The following CRTC1 variants were observed in gnomAD, a reference collection of about 807,000 sequenced individuals.
CRTC1 encodes CREB regulated transcription coactivator 1.
A neutral mutation model predicts 66.1 loss-of-function variants in CRTC1; 18 were observed. The ratio of observed to expected loss-of-function variants is 0.27; its 90% CI spans 0.19 to 0.40. The LOEUF (loss-of-function observed/expected upper bound fraction) is 0.40, where lower values mean the gene tolerates loss of function less well. CRTC1 is among the 10% of genes least tolerant of loss of function. CRTC1 has a pLI of 1.00. For synonymous variants in CRTC1, 416 were observed against 398.8 expected (o/e 1.04, Z -0.51); for missense variants, 669 against 887.9 (o/e 0.75, Z 3.13).
chr19:18,775,945 T>G (rs544576999), intron 13 of CRTC1, 124 bp downstream of exon 13: 1 of 1,074,152 alleles, frequency 9.3e-7, no homozygotes. Flanking sequence ...CCAAGCTTGA[T>G]GGGGGCCTGA....
intron 1 of CRTC1, among the ~76,000 whole-genome samples, chr19:18,719,049 C>T (rs1051853500): frequency 2.6e-5 from 4 of 152,118 alleles, no homozygotes; most frequent in Non-Finnish European, 5.9e-5. Flanking sequence ...CGAGATGACA[C>T]GGGCTAGTAC....
chr19:18,722,660 A>G (rs1175958413), intron 1 of CRTC1, among the ~76,000 whole-genome samples: 1 of 152,214 alleles, frequency 6.6e-6, no homozygotes, highest in Non-Finnish European at 1.5e-5. Flanking sequence ...ATTTTAGAGC[A>G]TGCCGTGGTG....
chr19:18,688,335 G>T (rs543025010), intron 1 of CRTC1, among the ~76,000 whole-genome samples: 1 of 152,116 alleles, frequency 6.6e-6, no homozygotes, highest in African/African-American at 2.4e-5. Context: ...TGGCGAGTTT[G>T]AGAATGGGTG....
intron 1 of CRTC1, among the ~76,000 whole-genome samples, chr19:18,707,249 C>T (rs1322467958): frequency 2.0e-5 from 3 of 152,128 alleles, no homozygotes; most frequent in Non-Finnish European, 1.5e-5. Context: ...AGCTTTAGAT[C>T]TTTGATCCGT....
chr19:18,752,446 A>G (rs1053895193), intron 5 of CRTC1, among the ~76,000 whole-genome samples: 1 of 152,104 alleles, frequency 6.6e-6, no homozygotes, highest in African/African-American at 2.4e-5. Flanking sequence ...AGCCTCTCGC[A>G]TAGCTGGGAC....
At chr19:18,731,808 C>T (rs1198111426) in intron 1 of CRTC1, among the ~76,000 whole-genome samples, 1 of 152,180 alleles carries the variant, frequency 6.6e-6, no homozygotes, top group Non-Finnish European at 1.5e-5. Context: ...GCCTGGCTGC[C>T]CCGGGGGGTG....
intron 13 of CRTC1, among the ~76,000 whole-genome samples, chr19:18,776,773 C>T (rs1169849188): frequency 6.6e-6 from 1 of 152,230 alleles, no homozygotes; most frequent in African/African-American, 2.4e-5. Context: ...CCAGCCCTAG[C>T]AGCAGCTGGG....
At chr19:18,717,519 G>T (rs1161883707) in intron 1 of CRTC1, among the ~76,000 whole-genome samples, 1 of 152,166 alleles carries the variant, frequency 6.6e-6, no homozygotes, top group African/African-American at 2.4e-5. Flanking sequence ...AAGGGTCGTA[G>T]TGCTCACTCA....
chr19:18,693,479 G>T lies in CRTC1; in HGVS notation c.126+9651G>T, dbSNP rs968272159. 1.2e-3 allele frequency among the ~76,000 whole-genome samples: 159 copies of T among 129,630 alleles called. 1 individual carries two copies. Among genetic ancestry groups the T allele is most frequent in the African/African-American group, 2.5e-3 (82 of 32,726 alleles). 85.0% of individuals were successfully genotyped at this position (129,630 alleles called of 152,430 possible). On this transcript the variant is annotated intron_variant, in intron 1 of 13. Coordinates refer to ENST00000321949, the MANE Select transcript of CRTC1 (RefSeq NM_015321.3). ...TTTTACCAAGGAGCTTAACTCTTTT[G>T]TTTTTGTTTTTTTTTTTTTTGAAAC... is the stretch of plus-strand genomic sequence containing the variant.
At chr19:18,716,684 T>C (rs924792358) in intron 1 of CRTC1, among the ~76,000 whole-genome samples, 7 of 152,190 alleles carry the variant, frequency 4.6e-5, no homozygotes, top group African/African-American at 1.7e-4. Context: ...TCGTCTTTCC[T>C]GTAGAGCTGG....
chr19:18,719,716 C>T (rs1009722763), intron 1 of CRTC1, among the ~76,000 whole-genome samples: 1 of 152,224 alleles, frequency 6.6e-6, no homozygotes, highest in East Asian at 1.9e-4. Flanking sequence ...CCGGAGGTGG[C>T]TCCTGGCAGA....
At chr19:18,774,624 G>T (rs2054941693) in intron 11 of CRTC1, among the ~76,000 whole-genome samples, 1 of 152,210 alleles carries the variant, frequency 6.6e-6, no homozygotes, top group African/African-American at 2.4e-5. Flanking sequence ...CTGTGATGGA[G>T]ATAGAGGCTG....
At chr19:18,752,835 G>A (rs1031921621) in intron 5 of CRTC1, among the ~76,000 whole-genome samples, 3 of 151,438 alleles carry the variant, frequency 2.0e-5, no homozygotes, top group Admixed American at 1.3e-4. Flanking sequence ...ACAGGATTTC[G>A]CCACGTTGGC....
At chr19:18,745,079 G>A (rs2054200569) in intron 2 of CRTC1, among the ~76,000 whole-genome samples, 1 of 152,184 alleles carries the variant, frequency 6.6e-6, no homozygotes, top group African/African-American at 2.4e-5. Flanking sequence ...GGGTCAGGGC[G>A]GGCTCCTGGC....
chr19:18,686,126 C>G (rs1177813426), intron 1 of CRTC1, among the ~76,000 whole-genome samples: 2 of 151,946 alleles, frequency 1.3e-5, no homozygotes, highest in Non-Finnish European at 2.9e-5. Flanking sequence ...CTGGCAAGCA[C>G]TAAGCTGTCT....
intron 1 of CRTC1, among the ~76,000 whole-genome samples, chr19:18,726,833 G>A (rs983870690): frequency 1.3e-5 from 2 of 151,866 alleles, no homozygotes; most frequent in East Asian, 3.9e-4. Context: ...GGCCGAGGCA[G>A]GAGAATTGCT....
At position 18,777,790 on chromosome 19, in the gene CRTC1, G is replaced by A. The variant is rs1012777714; in HGVS notation, c.*408G>A. Reference sequence around the variant, plus strand: ...GGCTGTGGGCCGTGGCGCATTTTCCGACTGTTTGTCCAGCTCTCACTGCCT... The same window carrying A: ...GGCTGTGGGCCGTGGCGCATTTTCCAACTGTTTGTCCAGCTCTCACTGCCT... On this transcript the variant is annotated 3_prime_UTR_variant, in exon 14 of 14. Coordinates refer to ENST00000321949, the MANE Select transcript of CRTC1 (RefSeq NM_015321.3). This position sits in a 1 kb window ranked among gnomAD's most constrained non-coding sequence, Gnocchi z 5.5. 20 of 313,130 alleles carry A rather than the reference G, an allele frequency of 6.4e-5. No individual in the cohort carries two copies. Among genetic ancestry groups the A allele is most frequent in the Admixed American group, 4.3e-4 (8 of 18,558 alleles). The allele number at this position is 313,130 out of a possible 1,614,324, so 19.4% of individuals were successfully genotyped here. A position where few individuals can be genotyped will look rare whatever the true frequency, so the allele number is the denominator to read the frequency against.
chr19:18,736,285 G>A (rs949465790), intron 1 of CRTC1, among the ~76,000 whole-genome samples: 6 of 152,126 alleles, frequency 3.9e-5, no homozygotes, highest in South Asian at 2.1e-4. Flanking sequence ...GGGAAGCCCC[G>A]AGTTATGGGG....
chr19:18,777,414 TCCCGACGGCGCCTCCCCAGC>T lies in CRTC1; in HGVS notation c.*35_*54del. 2 of 1,585,826 alleles carry T rather than the reference TCCCGACGGCGCCTCCCCAGC, an allele frequency of 1.3e-6. No homozygotes were observed. Among genetic ancestry groups the T allele is most frequent in the South Asian group, 2.2e-5 (2 of 90,778 alleles). The stretch of plus-strand genomic sequence containing the variant: ...ACGCCGGCACCCTGCCGCTCAGCCG[TCCCGACGGCGCCTCCCCAGC>T]CCGGGGACGGCCGTGCTCCGTCCCT... On this transcript the variant is annotated 3_prime_UTR_variant, in exon 14 of 14. Transcript: ENST00000321949. This position sits in a 1 kb window ranked among gnomAD's most constrained non-coding sequence, Gnocchi z 5.5.
Sources: gnomAD v4.1 joint callset for allele counts (sites outside exome capture counted in the v4.1 genomes callset) on GRCh38, gnomAD v4.1.1 for gene constraint, Gnocchi (gnomAD v3.1) non-coding constraint, MANE v1.5 for transcripts, NCBI Gene and HGNC (gene_info 2026-07-23, HGNC 2026-07-21) for gene names.